CHN2: variants seen among roughly 807,000 people sequenced by gnomAD.
The protein encoded by CHN2 is chimerin 2, also known as beta-chimaerin.
In CHN2, 35 loss-of-function variants were observed where a neutral mutation model predicts 56.3. The observed-to-expected ratio is 0.62, with a 90% confidence interval of 0.47 to 0.82. CHN2 has a LOEUF of 0.82. Among genes scored for constraint, CHN2 ranks in the 40% least tolerant of loss-of-function variants. The pLI, the probability that CHN2 is intolerant of heterozygous loss-of-function variation, is 0.00. For synonymous variants in CHN2, 210 were observed against 212.8 expected (o/e 0.99, Z 0.12); for missense variants, 491 against 580.5 (o/e 0.85, Z 1.58).
chr7:29,402,141 T>C (rs907184877), intron 6 of CHN2, among the ~76,000 whole-genome samples: 1 of 152,080 alleles, frequency 6.6e-6, no homozygotes, highest in African/African-American at 2.4e-5. Context: ...GGGACTGGCA[T>C]TGGCAGAGGG....
At chr7:29,312,404 T>C (rs183992578) in intron 1 of CHN2, among the ~76,000 whole-genome samples, 1 of 152,320 alleles carries the variant, frequency 6.6e-6, no homozygotes, top group East Asian at 1.9e-4. Context: ...AATGTGATTT[T>C]CTCTTTCAAA....
chr7:29,510,601 T>C (rs1791196930), intron 12 of CHN2, among the ~76,000 whole-genome samples: 1 of 152,108 alleles, frequency 6.6e-6, no homozygotes, highest in Admixed American at 6.5e-5. Context: ...TTCCTTGCCA[T>C]GTGCATTTCT....
rs1310696208 is a variant in CHN2, at chr7:29,336,749, G to A, written c.50-17876G>A. On this transcript the variant is annotated intron_variant, in intron 1 of 12. Transcript: ENST00000222792. ...TACTCCAGCCTGAGTAACAGAGCAA[G>A]ATTCTGTCTCAAAAAAAAAAAAAAA... Among the ~76,000 whole-genome samples, 47 of 92,414 alleles carry A rather than the reference G, an allele frequency of 5.1e-4. No individual in the cohort carries two copies. In the Admixed American group the frequency reaches 6.9e-3, roughly 14 times the overall value. The allele number at this position is 92,414 out of a possible 152,430, so 60.6% of individuals were successfully genotyped here.
intron 6 of CHN2, among the ~76,000 whole-genome samples, chr7:29,434,249 G>C (rs1005817456): frequency 3.3e-5 from 5 of 152,158 alleles, no homozygotes; most frequent in African/African-American, 1.2e-4. Context: ...TAACTCGTCT[G>C]CATCCCAGAG....
intron 3 of CHN2, among the ~76,000 whole-genome samples, chr7:29,372,560 A>C (rs1449658448): frequency 6.6e-6 from 1 of 152,208 alleles, no homozygotes; most frequent in African/African-American, 2.4e-5. Flanking sequence ...GAGCATAGCC[A>C]AGCAACAGTG....
intron 1 of CHN2, among the ~76,000 whole-genome samples, chr7:29,347,285 T>C (rs1184245121): frequency 6.6e-6 from 1 of 152,158 alleles, no homozygotes; most frequent in Admixed American, 6.5e-5. Flanking sequence ...CACCCAGCAG[T>C]TCAACTTCCC....
intron 1 of CHN2, among the ~76,000 whole-genome samples, chr7:29,234,559 G>A (rs1241697690): frequency 1.3e-5 from 2 of 152,156 alleles, no homozygotes; most frequent in East Asian, 3.8e-4. Flanking sequence ...GGAACTTTCT[G>A]GACAGAGCGA....
At chr7:29,195,026 G>A (rs370813742) in intron 1 of CHN2, 36 bp downstream of exon 1, 6 of 1,576,034 alleles carry the variant, frequency 3.8e-6, no homozygotes, top group Non-Finnish European at 5.2e-6. Context: ...CTGCCGCGCC[G>A]GGTCTCGCCC....
intron 1 of CHN2, among the ~76,000 whole-genome samples, chr7:29,206,431 G>C (rs1364637414): frequency 6.6e-6 from 1 of 152,054 alleles, no homozygotes; most frequent in Non-Finnish European, 1.5e-5. Context: ...ACAGGTGCGT[G>C]CCACCACACC....
intron 6 of CHN2, among the ~76,000 whole-genome samples, chr7:29,423,542 C>T (rs1804551804): frequency 6.6e-6 from 1 of 152,230 alleles, no homozygotes; most frequent in African/African-American, 2.4e-5. Flanking sequence ...TGCCACTGGC[C>T]TTGGAATCTG....
Position 29,503,945 on chromosome 7 carries a change from A to G in CHN2, c.914-799A>G, listed in dbSNP as rs183388674. On this transcript the variant is annotated intron_variant, in intron 9 of 12. Transcript: ENST00000222792. ...TTTTTAGGACATATCTTAACAAATC[A>G]ATAAGCTCCAGGGACAGAAACCATG... Among the ~76,000 whole-genome samples, 130 of 152,340 alleles carry G rather than the reference A, an allele frequency of 8.5e-4. 1 individual carries two copies. The highest frequency in any genetic ancestry group is 1.4e-3 in the Non-Finnish European group (98 of 68,030).
In CHN2 at chr7:29,251,102, A is replaced by G. The variant is rs564567478; in HGVS notation, c.49+56112A>G. 4.6e-5 allele frequency among the ~76,000 whole-genome samples: 7 copies of G among 152,368 alleles called. No homozygotes were observed. The South Asian group carries it at 1.0e-3, about 23-fold the overall frequency. ...TTGAATAGAAATACTAAAGTTAATC[A>G]GTAAACATTTGTTATATATCTACCA... On this transcript the variant is annotated intron_variant, in intron 1 of 12. Transcript: ENST00000222792.
chr7:29,215,851 T>C (rs1210250522), intron 1 of CHN2, among the ~76,000 whole-genome samples: 2 of 152,186 alleles, frequency 1.3e-5, no homozygotes, highest in Non-Finnish European at 2.9e-5. Flanking sequence ...CTTTAAATTA[T>C]GCACTCTTCT....
chr7:29,235,892 G>C (rs994863360), intron 1 of CHN2, among the ~76,000 whole-genome samples: 1 of 152,182 alleles, frequency 6.6e-6, no homozygotes, highest in African/African-American at 2.4e-5. Context: ...TGAAGGTGGA[G>C]GGTGGGAGGA....
At chr7:29,355,171 A>G (rs942464131) in intron 2 of CHN2, among the ~76,000 whole-genome samples, 6 of 151,876 alleles carry the variant, frequency 4.0e-5, no homozygotes, top group African/African-American at 1.5e-4. Context: ...AGGTTTCTCC[A>G]TGTTGGTCAG....
At chr7:29,420,694 A>G (rs1236094400) in intron 6 of CHN2, among the ~76,000 whole-genome samples, 1 of 152,236 alleles carries the variant, frequency 6.6e-6, no homozygotes, top group Non-Finnish European at 1.5e-5. Flanking sequence ...TTGCAAGATG[A>G]AAAAGTTCTG....
chr7:29,413,543 C>A (rs1803445114), intron 6 of CHN2, among the ~76,000 whole-genome samples: 1 of 152,180 alleles, frequency 6.6e-6, no homozygotes, highest in East Asian at 1.9e-4. Context: ...TTAAGCATAT[C>A]ATTGTTTTTA....
intron 6 of CHN2, among the ~76,000 whole-genome samples, chr7:29,425,151 A>G (rs149818467): frequency 5.1e-4 from 78 of 152,322 alleles, no homozygotes; most frequent in African/African-American, 1.8e-3. Flanking sequence ...TCTAGCAATG[A>G]TAGGATGAAA....
At chr7:29,307,028 C>T (rs1248139515) in intron 1 of CHN2, among the ~76,000 whole-genome samples, 1 of 152,202 alleles carries the variant, frequency 6.6e-6, no homozygotes, top group Non-Finnish European at 1.5e-5. Context: ...CATCCGTAAT[C>T]TCTCATTTTG....
Sources: gnomAD v4.1 joint callset for allele counts (sites outside exome capture counted in the v4.1 genomes callset) on GRCh38, gnomAD v4.1.1 for gene constraint, MANE v1.5 for transcripts, NCBI Gene and HGNC (gene_info 2026-07-23, HGNC 2026-07-21) for gene names.